The following GABRG3 variants were observed in gnomAD, a reference collection of about 807,000 sequenced individuals.
GABRG3 encodes gamma-aminobutyric acid receptor subunit gamma-3.
In GABRG3, 25 loss-of-function variants were observed where a neutral mutation model predicts 48.8. That is an observed-to-expected ratio of 0.51 (90% confidence interval 0.37 to 0.72). The LOEUF is 0.72. Ranked by LOEUF, GABRG3 falls within the 30% of genes least tolerant of loss-of-function variation. The pLI is 0.00. For missense variants in GABRG3, 394 were observed against 577.9 expected (o/e 0.68, Z 3.26); for synonymous variants, 227 against 217.6 (o/e 1.04, Z -0.38).
intron 3 of GABRG3, among the ~76,000 whole-genome samples, chr15:27,170,925 T>A (rs968364853): frequency 2.6e-5 from 4 of 152,190 alleles, no homozygotes; most frequent in African/African-American, 7.2e-5. Flanking sequence ...TCTCAAGCAA[T>A]TTTCAAATTG....
chr15:27,350,775 C>A (rs1166913284), intron 5 of GABRG3, among the ~76,000 whole-genome samples: 1 of 152,226 alleles, frequency 6.6e-6, no homozygotes, highest in African/African-American at 2.4e-5. Context: ...TGGCCTGGGG[C>A]GAGTGCTGAG....
intron 5 of GABRG3, among the ~76,000 whole-genome samples, chr15:27,473,614 T>C (rs1049756590): frequency 1.3e-5 from 2 of 152,246 alleles, no homozygotes; most frequent in Non-Finnish European, 2.9e-5. Context: ...TAACTTTGTA[T>C]ATTTTATTGT....
intron 6 of GABRG3, among the ~76,000 whole-genome samples, chr15:27,516,176 C>T (rs1891014837): frequency 6.7e-6 from 1 of 150,214 alleles, no homozygotes; most frequent in Admixed American, 6.6e-5. Context: ...CCTACTGATT[C>T]ATTAAAATAA....
At chr15:27,045,930 T>G (rs1896355047) in intron 3 of GABRG3, among the ~76,000 whole-genome samples, 1 of 152,154 alleles carries the variant, frequency 6.6e-6, no homozygotes, top group Non-Finnish European at 1.5e-5. Flanking sequence ...GCTCAGCCTC[T>G]TCACCTGCAC....
chr15:27,136,846 T>C (rs1354916510), intron 3 of GABRG3, among the ~76,000 whole-genome samples: 1 of 152,036 alleles, frequency 6.6e-6, no homozygotes, highest in Non-Finnish European at 1.5e-5. Flanking sequence ...CCACCTCACA[T>C]TTCTCCGATG....
intron 3 of GABRG3, among the ~76,000 whole-genome samples, chr15:27,266,044 C>G (rs556506116): frequency 1.3e-5 from 2 of 151,984 alleles, no homozygotes; most frequent in African/African-American, 4.8e-5. Context: ...CCATGCCTGG[C>G]TAATTTTATA....
chr15:27,344,929 C>A (rs1440197388), intron 5 of GABRG3, among the ~76,000 whole-genome samples: 1 of 152,128 alleles, frequency 6.6e-6, no homozygotes, highest in Non-Finnish European at 1.5e-5. Flanking sequence ...AGAATTAACA[C>A]ATCTATTATT....
At chr15:27,195,822 A>G (rs1297479174) in intron 3 of GABRG3, among the ~76,000 whole-genome samples, 2 of 152,022 alleles carry the variant, frequency 1.3e-5, no homozygotes, top group African/African-American at 4.8e-5. Context: ...TTTAGTAGAG[A>G]CGGGGTTTCA....
chr15:27,266,477 C>T (rs947293501), intron 3 of GABRG3, among the ~76,000 whole-genome samples: 13 of 152,144 alleles, frequency 8.5e-5, no homozygotes, highest in African/African-American at 2.9e-4. Flanking sequence ...GATTTTGATC[C>T]TGCACATTTG....
intron 3 of GABRG3, among the ~76,000 whole-genome samples, chr15:27,124,680 CAG>C (rs2140378584): frequency 6.6e-6 from 1 of 152,252 alleles, no homozygotes; most frequent in African/African-American, 2.4e-5. Flanking sequence ...ACCAGGGAAG[CAG>C]GGGAGTAGGG....
intron 3 of GABRG3, among the ~76,000 whole-genome samples, chr15:27,188,543 TCA>T (rs1888178784): frequency 6.6e-6 from 1 of 151,712 alleles, no homozygotes; most frequent in Non-Finnish European, 1.5e-5. Context: ...AAGTGTCTGT[TCA>T]TGTCCTTTGC....
chr15:27,210,266 T>C (rs751613287), intron 3 of GABRG3, among the ~76,000 whole-genome samples: 4 of 152,198 alleles, frequency 2.6e-5, no homozygotes, highest in Non-Finnish European at 5.9e-5. Flanking sequence ...TTGGAACTTT[T>C]ATCTCCGTAT....
At chr15:27,285,926 C>T (rs1891596058) in intron 3 of GABRG3, among the ~76,000 whole-genome samples, 1 of 152,140 alleles carries the variant, frequency 6.6e-6, no homozygotes, top group Non-Finnish European at 1.5e-5. Flanking sequence ...GAGAGTGCAT[C>T]TCACTCACCT....
At position 27,325,027 on chromosome 15, in the gene GABRG3, G is replaced by T. The variant is rs533329344; in HGVS notation, c.271-1782G>T. On this transcript the variant is annotated intron_variant, in intron 3 of 9. Transcript: ENST00000615808. Reference sequence around the variant, plus strand: ...ACTTTGGCACTGCAAAGTCCCCTTAGAGATTTCACCCATGCATGACACCAG... The same window carrying T: ...ACTTTGGCACTGCAAAGTCCCCTTATAGATTTCACCCATGCATGACACCAG... 6.9e-5 allele frequency among the ~76,000 whole-genome samples: 8 copies of T among 116,282 alleles called. 2 individuals carry two copies. In the South Asian group the frequency reaches 2.1e-3, roughly 31 times the overall value. The allele number at this position is 116,282 out of a possible 152,430, so 76.3% of individuals were successfully genotyped here.
chr15:27,020,430 G>C (rs1895867041), intron 2 of GABRG3, among the ~76,000 whole-genome samples: 1 of 152,148 alleles, frequency 6.6e-6, no homozygotes, highest in Admixed American at 6.5e-5. Flanking sequence ...CTTTGTTTTT[G>C]AGACGGAGTC....
chr15:27,021,785 G>A (rs891603358), intron 2 of GABRG3, among the ~76,000 whole-genome samples: 1 of 152,222 alleles, frequency 6.6e-6, no homozygotes, highest in African/African-American at 2.4e-5. Flanking sequence ...CCAGGCTGCA[G>A]CGAGCCATGA....
intron 3 of GABRG3, among the ~76,000 whole-genome samples, chr15:27,307,096 A>ATAATATAAACATGTTTATATATAAAC (rs1892588197): frequency 8.0e-6 from 1 of 125,330 alleles, no homozygotes; most frequent in African/African-American, 3.6e-5. Context: ...ATAAACATAT[A>ATAATATAAACATGTTTATATATAAAC]ATATAAACAT....
chr15:27,452,680 G>A (rs1889145948), intron 5 of GABRG3, among the ~76,000 whole-genome samples: 1 of 152,198 alleles, frequency 6.6e-6, no homozygotes, highest in Admixed American at 6.5e-5. Flanking sequence ...TAGGCTGAGG[G>A]GGAGGAAGAA....
At chr15:27,377,640 T>C (rs1895640721) in intron 5 of GABRG3, among the ~76,000 whole-genome samples, 1 of 152,150 alleles carries the variant, frequency 6.6e-6, no homozygotes. Flanking sequence ...CCTGCCCCCA[T>C]GATTCAACTA....
Sources: allele counts gnomAD v4.1 joint callset (sites outside exome capture counted in the v4.1 genomes callset), GRCh38; gene constraint gnomAD v4.1.1; transcripts MANE v1.5; gene names NCBI Gene and HGNC (gene_info 2026-07-23, HGNC 2026-07-21).